Variants in LMTK3 observed in about 807,000 individuals in gnomAD.
LMTK3 encodes serine/threonine-protein kinase LMTK3.
In LMTK3, 27 loss-of-function variants were observed where a neutral mutation model predicts 116.7. That is an observed-to-expected ratio of 0.23 (90% confidence interval 0.17 to 0.32). The LOEUF (loss-of-function observed/expected upper bound fraction) is 0.32, where lower values mean the gene tolerates loss of function less well. LMTK3 is among the 10% of genes least tolerant of loss of function. The pLI, the probability that LMTK3 is intolerant of heterozygous loss-of-function variation, is 1.00. For missense variants in LMTK3, 1,764 were observed against 2,068.5 expected (o/e 0.85, Z 2.86); for synonymous variants, 965 against 971.0 (o/e 0.99, Z 0.11).
At chr19:48,486,967 G>A (rs1972134974) in intron 14 of LMTK3, among the ~76,000 whole-genome samples, 1 of 151,638 alleles carries the variant, frequency 6.6e-6, no homozygotes, top group East Asian at 1.9e-4. Context: ...CTGGATTCAA[G>A]CAATTCTCCT....
rs200495964 is a variant in LMTK3, at chr19:48,510,577, C to A, written c.92G>T (p.Gly31Val). The A allele has an allele frequency of 5.8e-5, 92 of 1,587,742 alleles. No individual in the cohort carries two copies. The highest frequency in any genetic ancestry group is 7.4e-5 in the Non-Finnish European group (86 of 1,169,460). The change falls in exon 2 of 15, where the codon GGC (glycine) becomes GTC (valine). Residue 31 changes from glycine (G) to valine (V), a missense_variant. Physicochemically the swap from Gly to Val is moderately radical, Grantham distance 109. Transcript: ENST00000600059. ...SPAHPDGFAL[G>V]RAPLAPPYAV... ...GTAGGGAGGAGCCAGAGGAGCCCGG[C>A]CCAGGGCGAATCCATCTGTGGGCAC...
chr19:48,500,847 T>A lies in LMTK3; in HGVS notation c.1151+149A>T. 1 of 769,198 alleles carries A rather than the reference T, an allele frequency of 1.3e-6. No individual in the cohort carries two copies. The highest frequency in any genetic ancestry group is 3.0e-5 in the East Asian group (1 of 33,350). 47.6% of individuals were successfully genotyped at this position (769,198 alleles called of 1,614,324 possible). On this transcript the variant is annotated intron_variant, in intron 10 of 14. Coordinates refer to ENST00000600059, the MANE Select transcript of LMTK3 (RefSeq NM_001388485.1). This position sits in a 1 kb window ranked among gnomAD's most constrained non-coding sequence, Gnocchi z 4.0. ...GTGTCCCCCTGCAAGTAGCAGATGC[T>A]GGCAGAAAGGGTGGGGACAGCCCCT...
rs762459489 is a variant in LMTK3 at position 48,497,876 on chromosome 19, GGGA to G, written c.3190_3192del (p.Ser1064del). Reference sequence around the variant, plus strand: ...CCAGGGGCTGTCTCCCCGCCGTTCCGGGAGGAGACCACTGCGCTGGGTGCAGGG... The same window carrying G: ...CCAGGGGCTGTCTCCCCGCCGTTCCGGGAGACCACTGCGCTGGGTGCAGGG... On this transcript the variant is annotated inframe_deletion, in exon 11 of 15. Coordinates refer to ENST00000600059, the MANE Select transcript of LMTK3 (RefSeq NM_001388485.1). This position sits in a 1 kb window ranked among gnomAD's most constrained non-coding sequence, Gnocchi z 5.7. 6.5e-5 allele frequency: 94 copies of G among 1,455,114 alleles called. No individual in the cohort carries two copies. The highest frequency in any genetic ancestry group is 8.0e-5 in the Non-Finnish European group (89 of 1,107,590). 90.1% of individuals were successfully genotyped at this position (1,455,114 alleles called of 1,614,324 possible). A position where few individuals can be genotyped will look rare whatever the true frequency, so the allele number is the denominator to read the frequency against.
In LMTK3 at chr19:48,499,562, G is replaced by T; in HGVS notation, c.1507C>A (p.Pro503Thr). The part of the protein sequence containing the change: ...GAPAWQPASA[P>T]PAPHANPSNP... ...GAGGGGTTGGCGTGGGGGGCCGGGGGGGCCGACGCCGGCTGCCAGGCAGGT... is the reference window on the plus strand; with the variant it reads ...GAGGGGTTGGCGTGGGGGGCCGGGGTGGCCGACGCCGGCTGCCAGGCAGGT... The change falls in exon 11 of 15, where the codon CCC becomes ACC. Residue 503 changes from proline to threonine, a missense_variant. Pro to Thr is a conservative substitution (Grantham distance 38). Around this residue, in one of 7 missense-constraint regions of LMTK3, gnomAD observed 1,028 missense variants for 1,050.6 expected, o/e 0.98. Coordinates refer to ENST00000600059, the MANE Select transcript of LMTK3 (RefSeq NM_001388485.1). 6.6e-7 allele frequency: 1 copy of T among 1,518,510 alleles called. No homozygotes were observed. Among genetic ancestry groups the T allele is most frequent in the Non-Finnish European group, 8.8e-7 (1 of 1,135,102 alleles). 94.1% of individuals were successfully genotyped at this position (1,518,510 alleles called of 1,614,324 possible). A position where few individuals can be genotyped will look rare whatever the true frequency, so the allele number is the denominator to read the frequency against.
chr19:48,502,657 C>T (rs1972493996), intron 6 of LMTK3, 76 bp from the exon 7 acceptor site: 1 of 1,466,046 alleles, frequency 6.8e-7, no homozygotes, highest in African/African-American at 1.4e-5. Flanking sequence ...GCTGGAATGG[C>T]TTCTGCTGTC....
intron 3 of LMTK3, 60 bp downstream of exon 3, chr19:48,509,963 C>T (rs891304493): frequency 1.5e-4 from 236 of 1,589,834 alleles, no homozygotes; most frequent in Non-Finnish European, 1.9e-4. Flanking sequence ...GGAACACACT[C>T]AACATCTTCT....
Position 48,498,190 on chromosome 19 carries a change from T to C in LMTK3, c.2879A>G (p.Glu960Gly). ...GSPEREEKVL[E>G]NGELTPPRRE... is the part of the protein sequence containing the mutation. Reference sequence around the variant, plus strand: ...CCTTGGGGGTGTCAGCTCCCCATTCTCCAGCACTTTCTCTTCTCTCTCGGG... The same window carrying C: ...CCTTGGGGGTGTCAGCTCCCCATTCCCCAGCACTTTCTCTTCTCTCTCGGG... Residue 960 changes from glutamate to glycine, a missense_variant, in exon 11 of 15, where the codon GAG (glutamate) becomes GGG (glycine). Around this residue, in one of 7 missense-constraint regions of LMTK3, gnomAD observed 1,028 missense variants for 1,050.6 expected, o/e 0.98. Coordinates refer to ENST00000600059, the MANE Select transcript of LMTK3 (RefSeq NM_001388485.1). The C allele has an allele frequency of 1.9e-6, 3 of 1,613,460 alleles. No homozygotes were observed. Among genetic ancestry groups the C allele is most frequent in the Non-Finnish European group, 2.5e-6 (3 of 1,179,726 alleles).
chr19:48,497,756 C>T lies in LMTK3; in HGVS notation c.3313G>A (p.Gly1105Arg). The T allele has an allele frequency of 7.3e-7, 1 of 1,365,510 alleles. No individual in the cohort carries two copies. 84.6% of individuals were successfully genotyped at this position (1,365,510 alleles called of 1,614,324 possible). Residue 1105 changes from glycine (G) to arginine (R), a missense_variant, in exon 11 of 15, where the codon GGG becomes AGG. Gly to Arg is a moderately radical substitution (Grantham distance 125). Around this residue, in one of 7 missense-constraint regions of LMTK3, gnomAD observed 1,028 missense variants for 1,050.6 expected, o/e 0.98. Coordinates refer to ENST00000600059, the MANE Select transcript of LMTK3 (RefSeq NM_001388485.1). This position sits in a 1 kb window ranked among gnomAD's most constrained non-coding sequence, Gnocchi z 5.7. ...CCCCCACTCCCGAGGTCCAGCCTCCCAGCCCCTGGGGCTCTCGGCGCCCCC... is the reference window on the plus strand; with the variant it reads ...CCCCCACTCCCGAGGTCCAGCCTCCTAGCCCCTGGGGCTCTCGGCGCCCCC... ...TGGAPRAPGA[G>R]RLDLGSGGRA...
rs1421862720 is a variant in LMTK3, at chr19:48,499,892, G to A, written c.1177C>T (p.Arg393Trp). The A allele has an allele frequency of 2.5e-6, 4 of 1,597,278 alleles. No individual in the cohort carries two copies. Among genetic ancestry groups the A allele is most frequent in the East Asian group, 2.3e-5 (1 of 44,426 alleles). The change falls in exon 11 of 15, where the codon CGG becomes TGG. Residue 393 changes from arginine (R) to tryptophan (W), a missense_variant. Physicochemically the swap from Arg to Trp is moderately radical, Grantham distance 101 (BLOSUM62 -3). Around this residue, in one of 7 missense-constraint regions of LMTK3, gnomAD observed 271 missense variants for 478.2 expected, o/e 0.57. Coordinates refer to ENST00000600059, the MANE Select transcript of LMTK3 (RefSeq NM_001388485.1). ...GCTGAAGGGCGCTGGGCAGGTGGCC[G>A]CCAGCAGGACTGAAGAATGTCATAC... is the stretch of plus-strand genomic sequence containing the variant. Reference protein sequence around the residue: ...YWYDILQSCWRPPAQRPSASD... With the variant: ...YWYDILQSCWWPPAQRPSASD...
rs1231256240 is a variant in LMTK3, at chr19:48,510,733, G to A, written c.77-141C>T. 25 of 982,258 alleles carry A rather than the reference G, an allele frequency of 2.5e-5. No individual in the cohort carries two copies. The East Asian group carries it at 6.0e-4, about 23-fold the overall frequency. 60.8% of individuals were successfully genotyped at this position (982,258 alleles called of 1,614,324 possible). On this transcript the variant is annotated intron_variant, in intron 1 of 14. Transcript: ENST00000600059. ...GGTCCCTTGGCAGAGGTGCAGAGTG[G>A]CCCAAGGCATTGTGGGAGTTGTAGT...
At chr19:48,513,123 G>C, upstream of LMTK3, 1 of 1,589,656 alleles carries the variant, frequency 6.3e-7, no homozygotes, top group Non-Finnish European at 8.6e-7. This position sits in a 1 kb window ranked among gnomAD's most constrained non-coding sequence, Gnocchi z 5.6. Flanking sequence ...ACAGACACAC[G>C]GGTCGCAAAT....
At position 48,500,946 on chromosome 19, in the gene LMTK3, T is replaced by C; in HGVS notation, c.1151+50A>G. ...GAAACGAGGGGGGATGCTGGGACCA[T>C]CCTGGGTGGGGTGCGGCAGGCCAGG... On this transcript the variant is annotated intron_variant, in intron 10 of 14. Coordinates refer to ENST00000600059, the MANE Select transcript of LMTK3 (RefSeq NM_001388485.1). The surrounding 1 kb of genome is among the most constrained non-coding windows in gnomAD (Gnocchi z 4.0). The C allele has an allele frequency of 6.8e-7, 1 of 1,460,414 alleles. No individual in the cohort carries two copies. The highest frequency in any genetic ancestry group is 9.0e-7 in the Non-Finnish European group (1 of 1,105,880). 90.5% of individuals were successfully genotyped at this position (1,460,414 alleles called of 1,614,324 possible). A position where few individuals can be genotyped will look rare whatever the true frequency, so the allele number is the denominator to read the frequency against.
rs111433173 is a variant in LMTK3 at position 48,491,592 on chromosome 19, T to A, written c.4093-53A>T. On this transcript the variant is annotated intron_variant, in intron 12 of 14. Transcript: ENST00000600059. This position sits in a 1 kb window ranked among gnomAD's most constrained non-coding sequence, Gnocchi z 5.1. ...GAGGGGACAAACCTTCACGTCCCAT[T>A]TACCGCATCCCCCAAAAGCAACAAA... is the stretch of plus-strand genomic sequence containing the variant. The A allele has an allele frequency of 2.2e-3, 2,863 of 1,289,188 alleles. 38 individuals carry two copies. In the African/African-American group the frequency reaches 0.034, roughly 15 times the overall value. 79.9% of individuals were successfully genotyped at this position (1,289,188 alleles called of 1,614,324 possible).
chr19:48,502,312 T>C, intron 7 of LMTK3, 121 bp downstream of exon 7: 1 of 1,207,930 alleles, frequency 8.3e-7, no homozygotes, highest in East Asian at 2.6e-5. Context: ...CCCTCCTCGG[T>C]TCGTCCCTAT....
In LMTK3 at chr19:48,494,000, G is replaced by A. The variant is rs1461691148; in HGVS notation, c.3786C>T (p.Gly1262=). Residue 1262 remains glycine, a synonymous_variant, in exon 12 of 15, where the codon GGC becomes GGT. Transcript: ENST00000600059. ...GCGCTCCCGCCCCGCCGGCCTCCCCGCCAGCCGCCCCGGCGTCCGCGCCCT... is the reference window on the plus strand; with the variant it reads ...GCGCTCCCGCCCCGCCGGCCTCCCCACCAGCCGCCCCGGCGTCCGCGCCCT... ...PWEGADAGAA[G]GEAGGAGAPG... The A allele has an allele frequency of 4.6e-6, 5 of 1,090,102 alleles. No homozygotes were observed. The South Asian group carries it at 2.1e-4, about 47-fold the overall frequency. The allele number at this position is 1,090,102 out of a possible 1,614,324, so 67.5% of individuals were successfully genotyped here.
In LMTK3 at chr19:48,498,643, C is replaced by A. The variant is rs1199222773; in HGVS notation, c.2426G>T (p.Gly809Val). ...CCCTTCCTCCTCGGCCGCCCCCCCA[C>A]CTGGGAAGGCTCCCTCTGGGGAAAA... Reference protein sequence around the residue: ...TPFSPEGAFPGGGAAEEEGVP... With the variant: ...TPFSPEGAFPVGGAAEEEGVP... The change falls in exon 11 of 15, where the codon GGT (glycine) becomes GTT (valine). Residue 809 changes from glycine (G) to valine (V), a missense_variant. Gly to Val is a moderately radical substitution (Grantham distance 109). Coordinates refer to ENST00000600059, the MANE Select transcript of LMTK3 (RefSeq NM_001388485.1). The A allele has an allele frequency of 3.9e-6, 6 of 1,542,210 alleles. No individual in the cohort carries two copies. The highest frequency in any genetic ancestry group is 4.0e-5 in the Admixed American group (2 of 50,158).
chr19:48,494,173 G>T lies in LMTK3; in HGVS notation c.3677-64C>A, dbSNP rs1408037064. On this transcript the variant is annotated intron_variant, in intron 11 of 14. Coordinates refer to ENST00000600059, the MANE Select transcript of LMTK3 (RefSeq NM_001388485.1). The surrounding 1 kb of genome is among the most constrained non-coding windows in gnomAD (Gnocchi z 4.0). ...AAACTGAGGCAGGCCCTCCCACCTA[G>T]CTGTGTGGCCTCAGATAAGACCCCC... The T allele has an allele frequency of 7.9e-6, 8 of 1,012,510 alleles. No homozygotes were observed. The highest frequency in any genetic ancestry group is 8.5e-6 in the Non-Finnish European group (7 of 819,166). 62.7% of individuals were successfully genotyped at this position (1,012,510 alleles called of 1,614,324 possible). A position where few individuals can be genotyped will look rare whatever the true frequency, so the allele number is the denominator to read the frequency against.
In LMTK3 at chr19:48,493,824, T is replaced by C; in HGVS notation, c.3962A>G (p.Asp1321Gly). 6.7e-7 allele frequency: 1 copy of C among 1,496,938 alleles called. No homozygotes were observed. The highest frequency in any genetic ancestry group is 8.9e-7 in the Non-Finnish European group (1 of 1,123,650). 92.7% of individuals were successfully genotyped at this position (1,496,938 alleles called of 1,614,324 possible). ...CAGCCCCCGCAGCGGGCGGGCCGCGTCCGCGTCGGCGCTGCTCACCACGAC... is the reference window on the plus strand; with the variant it reads ...CAGCCCCCGCAGCGGGCGGGCCGCGCCCGCGTCGGCGCTGCTCACCACGAC... ...VPVVVSSADADAARPLRGLLK... is the reference protein window; with the variant it reads ...VPVVVSSADAGAARPLRGLLK... Residue 1321 changes from aspartate (D) to glycine (G), a missense_variant, in exon 12 of 15, where the codon GAC becomes GGC. This residue lies in a region of LMTK3 where 281 missense variants were observed against 301.4 expected (regional missense o/e 0.93). Transcript: ENST00000600059.
Position 48,493,679 on chromosome 19 carries a change from T to C in LMTK3, c.4092+15A>G, listed in dbSNP as rs1002208875. 5.8e-6 allele frequency: 9 copies of C among 1,556,216 alleles called. No homozygotes were observed. Among genetic ancestry groups the C allele is most frequent in the Admixed American group, 1.9e-5 (1 of 52,560 alleles). On this transcript the variant is annotated intron_variant, in intron 12 of 14. Coordinates refer to ENST00000600059, the MANE Select transcript of LMTK3 (RefSeq NM_001388485.1). ...AGGCCGCGACCCCGAAACCGCGCCC[T>C]CTCGGGTTCCGCACCTGGTCGAAGA...
Sources: allele counts gnomAD v4.1 joint callset (sites outside exome capture counted in the v4.1 genomes callset), GRCh38; gene constraint gnomAD v4.1.1; regional missense constraint gnomAD v4.1.1; non-coding constraint Gnocchi (gnomAD v3.1); transcripts MANE v1.5; gene names NCBI Gene and HGNC (gene_info 2026-07-23, HGNC 2026-07-21).